Variants in SMIM8 observed in about 807,000 individuals in gnomAD.
The protein encoded by SMIM8 is small integral membrane protein 8.
SMIM8 carries 8 observed loss-of-function variants against 8.1 expected under a neutral mutation model. The observed-to-expected ratio is 0.99, with a 90% CI of 0.58 to 1.78. The LOEUF (loss-of-function observed/expected upper bound fraction) is 1.78, where lower values mean the gene tolerates loss of function less well. SMIM8 is among the 40% of genes most tolerant of loss of function. The probability of loss-of-function intolerance (pLI) is 0.00; values close to 1 mark genes in which losing one functional copy is unlikely to be tolerated. For synonymous variants in SMIM8, 45 were observed against 39.7 expected, an observed-to-expected ratio of 1.13 and a Z score of -0.50; for missense variants, 126 against 119.8, an observed-to-expected ratio of 1.05 and a Z score of -0.24.
chr6:87,334,604 T>C (rs1252104508), intron 2 of SMIM8, among the ~76,000 whole-genome samples: 2 of 152,172 alleles, frequency 1.3e-5, no homozygotes, highest in Non-Finnish European at 2.9e-5. Flanking sequence ...CCGCCCAGCC[T>C]GAATGGTGTT....
chr6:87,342,217 T>C lies in SMIM8; in HGVS notation c.*1943T>C, dbSNP rs940874855. 3 of 152,238 alleles carry C rather than the reference T, an allele frequency of 2.0e-5. No individual in the cohort carries two copies. The highest frequency in any genetic ancestry group is 4.4e-5 in the Non-Finnish European group (3 of 68,046). 9.4% of individuals were successfully genotyped at this position (152,238 alleles called of 1,614,324 possible). A position where few individuals can be genotyped will look rare whatever the true frequency, so the allele number is the denominator to read the frequency against. On this transcript the variant is annotated 3_prime_UTR_variant, in exon 4 of 4. Coordinates refer to ENST00000392863, the MANE Select transcript of SMIM8 (RefSeq NM_001042493.3). ...AGTGACTACAAGTTGTAGGACAGTC[T>C]TTGTGTGTGCTGAGTGTCAACAGCT... is the stretch of plus-strand genomic sequence containing the variant.
chr6:87,327,511 T>C (rs2127917594), intron 1 of SMIM8, among the ~76,000 whole-genome samples: 1 of 150,366 alleles, frequency 6.7e-6, no homozygotes, highest in Admixed American at 6.6e-5. Context: ...CCTTCACTTA[T>C]GAAGCTTAGT....
intron 3 of SMIM8, among the ~76,000 whole-genome samples, chr6:87,338,284 A>G (rs557083297): frequency 2.6e-5 from 4 of 152,304 alleles, no homozygotes; most frequent in South Asian, 2.1e-4. Flanking sequence ...GCAAATTAAT[A>G]TAGGTAGGGA....
intron 1 of SMIM8, among the ~76,000 whole-genome samples, chr6:87,328,765 T>A (rs1582090188): frequency 1.3e-5 from 2 of 152,268 alleles, no homozygotes; most frequent in African/African-American, 4.8e-5. Context: ...CTCCTTGAGC[T>A]GTGGTGGGCT....
intron 3 of SMIM8, among the ~76,000 whole-genome samples, chr6:87,338,348 C>T (rs1777155674): frequency 6.6e-6 from 1 of 152,128 alleles, no homozygotes; most frequent in South Asian, 2.1e-4. Flanking sequence ...TCAGAGTAAC[C>T]TTGGGAAGCA....
intron 2 of SMIM8, among the ~76,000 whole-genome samples, chr6:87,333,331 C>T (rs1232935020): frequency 6.6e-6 from 1 of 152,178 alleles, no homozygotes; most frequent in Non-Finnish European, 1.5e-5. Context: ...CAAACACCTC[C>T]CACTAGGCCT....
At chr6:87,327,383 T>C (rs1298444540) in intron 1 of SMIM8, among the ~76,000 whole-genome samples, 1 of 151,004 alleles carries the variant, frequency 6.6e-6, no homozygotes, top group Non-Finnish European at 1.5e-5. Flanking sequence ...ATTTTGGCAA[T>C]GGATGGTACA....
intron 1 of SMIM8, among the ~76,000 whole-genome samples, chr6:87,324,527 A>G (rs1417249158): frequency 2.0e-5 from 3 of 150,772 alleles, no homozygotes; most frequent in Non-Finnish European, 4.4e-5. Flanking sequence ...TAAATAGGGA[A>G]TCCTTTCCCC....
At chr6:87,330,215 C>T (rs1223251134) in intron 1 of SMIM8, among the ~76,000 whole-genome samples, 1 of 152,116 alleles carries the variant, frequency 6.6e-6, no homozygotes, top group East Asian at 1.9e-4. Context: ...GTGTATTATA[C>T]TTTCATTAAA....
chr6:87,339,674 A>G (rs1209266059), intron 3 of SMIM8, among the ~76,000 whole-genome samples: 1 of 152,188 alleles, frequency 6.6e-6, no homozygotes, highest in Admixed American at 6.5e-5. Flanking sequence ...GAAGAATAGC[A>G]TGTCTAGTTC....
chr6:87,337,875 A>G (rs1308191648), intron 3 of SMIM8, among the ~76,000 whole-genome samples: 1 of 152,042 alleles, frequency 6.6e-6, no homozygotes, highest in South Asian at 2.1e-4. Flanking sequence ...CGATTCTCCC[A>G]CCTCAGCCTC....
intron 1 of SMIM8, chr6:87,323,044 C>G (rs909238166): frequency 7.1e-6 from 1 of 141,640 alleles, no homozygotes; most frequent in Admixed American, 6.7e-5. Context: ...TTTTTCAGCC[C>G]TGCAACACAA....
intron 1 of SMIM8, among the ~76,000 whole-genome samples, chr6:87,328,510 C>G (rs57631457): frequency 6.6e-6 from 1 of 151,418 alleles, no homozygotes; most frequent in African/African-American, 2.4e-5. Context: ...AGTACCCGGC[C>G]GTGTGAGGTA....
rs530331616 is a variant in SMIM8, at chr6:87,325,985, T to C, written c.-45+3353T>C. On this transcript the variant is annotated intron_variant, in intron 1 of 3. Transcript: ENST00000392863. ...TTAAGAGATTCAACTTCTTCCTAGT[T>C]TAGTCTTGGGAGAGTGTATGTGTCG... Among the ~76,000 whole-genome samples, 5 of 152,362 alleles carry C rather than the reference T, an allele frequency of 3.3e-5. No individual in the cohort carries two copies. In the East Asian group the frequency reaches 9.6e-4, roughly 29 times the overall value.
chr6:87,325,979 C>G (rs1007722809), intron 1 of SMIM8, among the ~76,000 whole-genome samples: 1 of 152,192 alleles, frequency 6.6e-6, no homozygotes, highest in Non-Finnish European at 1.5e-5. Context: ...TCAACTTCTT[C>G]CTAGTTTAGT....
intron 3 of SMIM8, among the ~76,000 whole-genome samples, chr6:87,337,697 G>C (rs879775163): frequency 2.0e-5 from 3 of 152,182 alleles, no homozygotes; most frequent in Non-Finnish European, 2.9e-5. Flanking sequence ...GGTACAGTCA[G>C]CTCACTGCAG....
chr6:87,323,570 C>T lies in SMIM8; in HGVS notation c.-45+938C>T, dbSNP rs183842288. On this transcript the variant is annotated intron_variant, in intron 1 of 3. Transcript: ENST00000392863. Reference sequence around the variant, plus strand: ...ATAGTTTACTGAGAATGATGATTTCCAATTTCATCCATGTCCCTACAAAGG... The same window carrying T: ...ATAGTTTACTGAGAATGATGATTTCTAATTTCATCCATGTCCCTACAAAGG... Among the ~76,000 whole-genome samples, 160 of 151,980 alleles carry T rather than the reference C, an allele frequency of 1.1e-3. 4 individuals carry two copies. The East Asian group carries it at 0.021, about 20-fold the overall frequency.
intron 1 of SMIM8, among the ~76,000 whole-genome samples, chr6:87,323,495 A>G (rs113728339): frequency 0.018 from 2,585 of 140,094 alleles, 47 homozygotes; most frequent in African/African-American, 0.048. Context: ...CCATTGTTCA[A>G]TTCCCACCTA....
At chr6:87,332,725 G>GTTTTTCTTCCCAAT (rs1442139071) in intron 2 of SMIM8, among the ~76,000 whole-genome samples, 1 of 152,134 alleles carries the variant, frequency 6.6e-6, no homozygotes. Flanking sequence ...CCATCACCTT[G>GTTTTTCTTCCCAAT]GAAAAATGCT....
Sources: allele counts gnomAD v4.1 joint callset (sites outside exome capture counted in the v4.1 genomes callset), GRCh38; gene constraint gnomAD v4.1.1; transcripts MANE v1.5; gene names NCBI Gene and HGNC (gene_info 2026-07-23, HGNC 2026-07-21).